AMT: variants seen among roughly 807,000 people sequenced by gnomAD.
The protein encoded by AMT is aminomethyltransferase, mitochondrial.
In AMT, 24 loss-of-function variants were observed where a neutral mutation model predicts 39.5. That is an observed-to-expected ratio of 0.61 (90% CI 0.44 to 0.86). AMT has a LOEUF of 0.86. Among genes scored for constraint, AMT ranks in the 40% least tolerant of loss-of-function variants. The pLI, the probability that AMT is intolerant of heterozygous loss-of-function variation, is 0.00. For synonymous variants in AMT, 210 were observed against 212.1 expected (o/e 0.99, Z 0.09); for missense variants, 501 against 537.0 (o/e 0.93, Z 0.66).
chr3:49,418,221 G>A (rs1400837701), intron 7 of AMT: 22 of 533,528 alleles, frequency 4.1e-5, no homozygotes, highest in Middle Eastern at 5.1e-4. Flanking sequence ...TCACTCTGTC[G>A]CCCAGGCCTA....
At chr3:49,418,419 G>A in intron 7 of AMT, 1 of 225,890 alleles carries the variant, frequency 4.4e-6, no homozygotes, top group Non-Finnish European at 8.8e-6. Context: ...CTGACCTCAT[G>A]ATCCACCCAC....
rs933595243 is a variant in AMT, at chr3:49,419,007, T to C, written c.841A>G (p.Thr281Ala). Residue 281 changes from threonine (T) to alanine (A), a missense_variant, in exon 7 of 9, where the codon ACT (threonine) becomes GCT (alanine). Transcript: ENST00000273588. Reference protein sequence around the residue: ...CLYGNDIDEHTTPVEGSLSWT... With the variant: ...CLYGNDIDEHATPVEGSLSWT... ...CTGAGGCTGCCCTCCACAGGTGTAG[T>C]GTGTTCATCAATGTCATTCCCATAC... 14 of 1,613,964 alleles carry C rather than the reference T, an allele frequency of 8.7e-6. No individual in the cohort carries two copies. Among genetic ancestry groups the C allele is most frequent in the South Asian group, 5.5e-5 (5 of 91,080 alleles).
intron 4 of AMT, 140 bp from the exon 5 acceptor site, chr3:49,419,928 C>G (rs951093714): frequency 3.3e-6 from 3 of 906,876 alleles, no homozygotes; most frequent in Non-Finnish European, 5.4e-6. Context: ...AGGCTGGTTC[C>G]CATCTTACAA....
chr3:49,418,063 T>A, intron 7 of AMT, 90 bp from the exon 8 acceptor site: 1 of 1,474,672 alleles, frequency 6.8e-7, no homozygotes, highest in Non-Finnish European at 9.2e-7. Context: ...ACACACTATC[T>A]AGCATCAAGG....
intron 3 of AMT, chr3:49,420,858 A>G (rs1333476292): frequency 4.6e-6 from 1 of 217,880 alleles, no homozygotes; most frequent in Non-Finnish European, 9.4e-6. Context: ...GAAGGTTCTG[A>G]TTCAGCAGGT....
chr3:49,419,711 T>G lies in AMT; in HGVS notation c.549A>C (p.Gln183His). 1 of 1,614,188 alleles carries G rather than the reference T, an allele frequency of 6.2e-7. No homozygotes were observed. The highest frequency in any genetic ancestry group is 2.2e-5 in the East Asian group (1 of 44,888). Residue 183 changes from glutamine to histidine, a missense_variant and splice_region_variant, in exon 5 of 9, where the codon CAA becomes CAC. Physicochemically the swap from Gln to His is conservative, Grantham distance 24 (BLOSUM62 0). Transcript: ENST00000273588. ...EVLDNALLAL[Q>H]GPTAAQVLQA... is the part of the protein sequence containing the mutation. ...CCAACCCCAGCCCAGCCCTCTCACC[T>G]TGCAGAGCTAGCAGGGCATTATCCA...
intron 4 of AMT, 162 bp from the exon 5 acceptor site, chr3:49,419,950 T>TA (rs2049071017): frequency 1.2e-6 from 1 of 817,258 alleles, no homozygotes; most frequent in Non-Finnish European, 2.1e-6. Context: ...GTCACATAGC[T>TA]ACTAAGTGAT....
At chr3:49,420,153 A>T in intron 4 of AMT, 58 bp downstream of exon 4, 1 of 1,611,104 alleles carries the variant, frequency 6.2e-7, no homozygotes. Flanking sequence ...CTTGGACAAC[A>T]AGGATACTGC....
In AMT at chr3:49,416,959, C is replaced by T; in HGVS notation, c.*581G>A. On this transcript the variant is annotated 3_prime_UTR_variant, in exon 9 of 9. Transcript: ENST00000273588. Reference sequence around the variant, plus strand: ...CCATGGTTTGCTACTGGGCAGCACACTAGACCAACTTGGGAATGTGGAAGA... The same window carrying T: ...CCATGGTTTGCTACTGGGCAGCACATTAGACCAACTTGGGAATGTGGAAGA... The T allele has an allele frequency of 2.1e-6, 1 of 471,310 alleles. No homozygotes were observed. The highest frequency in any genetic ancestry group is 1.5e-5 in the South Asian group (1 of 64,648). The allele number at this position is 471,310 out of a possible 1,614,324, so 29.2% of individuals were successfully genotyped here.
chr3:49,417,840 C>G lies in AMT; in HGVS notation c.1011G>C (p.Leu337=), dbSNP rs1339213409. Residue 337 remains leucine (L), a synonymous_variant, in exon 8 of 9, where the codon CTG becomes CTC. Coordinates refer to ENST00000273588, the MANE Select transcript of AMT (RefSeq NM_000481.4). ...GAPMRAHSPI[L]NMEGTKIGTV... is the part of the protein sequence containing the mutation. ...TACCAATCTTGGTACCCTCCATGTTCAGGATGGGACTGTGTGCCCGCATGG... is the reference window on the plus strand; with the variant it reads ...TACCAATCTTGGTACCCTCCATGTTGAGGATGGGACTGTGTGCCCGCATGG... The G allele has an allele frequency of 3.1e-6, 5 of 1,614,118 alleles. No homozygotes were observed. Among genetic ancestry groups the G allele is most frequent in the Non-Finnish European group, 8.5e-7 (1 of 1,180,024 alleles).
Position 49,419,272 on chromosome 3 carries a change from C to G in AMT, c.684G>C (p.Glu228Asp). Residue 228 changes from glutamate (E) to aspartate (D), a missense_variant, in exon 6 of 9, where the codon GAG becomes GAC. Transcript: ENST00000273588. ...CRVTRCGYTG[E>D]DGVEISVPVA... is the part of the protein sequence containing the mutation. Reference sequence around the variant, plus strand: ...CTTCTTGACACACCTCCACACCATCCTCTCCTGTGTAGCCACAGCGGGTCA... The same window carrying G: ...CTTCTTGACACACCTCCACACCATCGTCTCCTGTGTAGCCACAGCGGGTCA... The G allele has an allele frequency of 1.9e-6, 3 of 1,614,170 alleles. No individual in the cohort carries two copies. The highest frequency in any genetic ancestry group is 2.5e-6 in the Non-Finnish European group (3 of 1,180,032).
In AMT at chr3:49,419,008, G is replaced by A. The variant is rs759675831; in HGVS notation, c.840C>T (p.His280=). The part of the protein sequence containing the change: ...LCLYGNDIDE[H]TTPVEGSLSW... The stretch of plus-strand genomic sequence containing the variant: ...TGAGGCTGCCCTCCACAGGTGTAGT[G>A]TGTTCATCAATGTCATTCCCATACA... The change falls in exon 7 of 9, where the codon CAC becomes CAT. Residue 280 remains histidine, a synonymous_variant. Coordinates refer to ENST00000273588, the MANE Select transcript of AMT (RefSeq NM_000481.4). 3.1e-6 allele frequency: 5 copies of A among 1,614,006 alleles called. No individual in the cohort carries two copies. The highest frequency in any genetic ancestry group is 4.2e-6 in the Non-Finnish European group (5 of 1,180,004).
intron 7 of AMT, 173 bp from the exon 8 acceptor site, chr3:49,418,146 C>A (rs2107929719): frequency 1.3e-6 from 1 of 752,706 alleles, no homozygotes; most frequent in Non-Finnish European, 2.2e-6. Flanking sequence ...CCTCCTATCC[C>A]CTGGAGGCCA....
rs1226033814 is a variant in AMT, at chr3:49,422,120, A to G, written c.242T>C (p.Val81Ala). ...CTGGCTCACCTGCAGCATATGAGAC[A>G]CGTCAAAGAGCGAGCAGTGCTGGCG... ...HTRQHCSLFD[V>A]SHMLQTKILG... The change falls in exon 2 of 9, where the codon GTG becomes GCG. Residue 81 changes from valine to alanine, a missense_variant. By Grantham distance (64) the Val-to-Ala change is moderately conservative. Coordinates refer to ENST00000273588, the MANE Select transcript of AMT (RefSeq NM_000481.4). 1 of 1,613,748 alleles carries G rather than the reference A, an allele frequency of 6.2e-7. No homozygotes were observed. Among genetic ancestry groups the G allele is most frequent in the Admixed American group, 1.7e-5 (1 of 60,026 alleles).
At chr3:49,420,592 C>T in intron 3 of AMT, 1 of 516,512 alleles carries the variant, frequency 1.9e-6, no homozygotes, top group Middle Eastern at 5.5e-4. Context: ...CCCCTCCCCA[C>T]TCTGTACTGA....
intron 4 of AMT, 158 bp downstream of exon 4, chr3:49,420,053 G>A (rs1242300047): frequency 3.5e-5 from 36 of 1,021,074 alleles, no homozygotes; most frequent in Admixed American, 6.2e-5. Context: ...AAACCCTGGC[G>A]TGCTCCAGAG....
rs367726589 is a variant in AMT, at chr3:49,418,990, G to T, written c.858C>A (p.Gly286=). 367 of 1,613,788 alleles carry T rather than the reference G, an allele frequency of 2.3e-4. No individual in the cohort carries two copies. The highest frequency in any genetic ancestry group is 3.0e-4 in the Non-Finnish European group (359 of 1,180,006). The stretch of plus-strand genomic sequence containing the variant: ...GCTCACCCAGTGTCCAACTGAGGCT[G>T]CCCTCCACAGGTGTAGTGTGTTCAT... ...DIDEHTTPVE[G]SLSWTLGKRR... The change falls in exon 7 of 9, where the codon GGC becomes GGA. Residue 286 remains glycine (G), a synonymous_variant. Coordinates refer to ENST00000273588, the MANE Select transcript of AMT (RefSeq NM_000481.4).
intron 7 of AMT, chr3:49,418,494 CTTTTTTTTTT>C (rs3049036): frequency 1.6e-5 from 1 of 63,340 alleles, no homozygotes; most frequent in Admixed American, 2.4e-4. Context: ...TCTTCAGTTT[CTTTTTTTTTT>C]TTTTTTTTTT....
At chr3:49,420,931 C>T (rs756457502) in intron 3 of AMT, 2 of 203,198 alleles carry the variant, frequency 9.8e-6, no homozygotes, top group Non-Finnish European at 2.0e-5. Flanking sequence ...AGAGACCACA[C>T]TTTGTTGTTG....
Sources: gnomAD v4.1 joint callset for allele counts on GRCh38, gnomAD v4.1.1 for gene constraint, MANE v1.5 for transcripts, NCBI Gene and HGNC (gene_info 2026-07-23, HGNC 2026-07-21) for gene names.